SDF4: variants seen among roughly 807,000 people sequenced by gnomAD.
SDF4 encodes 45 kDa calcium-binding protein.
SDF4 carries 22 observed loss-of-function variants against 34.2 expected under a neutral mutation model. The ratio of observed to expected loss-of-function variants is 0.64; its 90% CI spans 0.46 to 0.92. SDF4 has a LOEUF of 0.92. SDF4 is among the 40% of genes least tolerant of loss of function. The pLI, the probability that SDF4 is intolerant of heterozygous loss-of-function variation, is 0.00. For missense variants in SDF4, 447 were observed against 499.9 expected (o/e 0.89, Z 1.01); for synonymous variants, 236 against 203.1 (o/e 1.16, Z -1.38).
At chr1:1,226,811 A>C (rs1638324459) in intron 2 of SDF4, among the ~76,000 whole-genome samples, 1 of 151,678 alleles carries the variant, frequency 6.6e-6, no homozygotes. Flanking sequence ...AGAAGCCTCA[A>C]CTCCCCTCGC....
intron 2 of SDF4, among the ~76,000 whole-genome samples, chr1:1,224,669 G>A (rs1316528958): frequency 6.6e-6 from 1 of 152,214 alleles, no homozygotes; most frequent in Non-Finnish European, 1.5e-5. Flanking sequence ...CCAGCCCTTT[G>A]GGAGGCTAAG....
chr1:1,223,991 G>T (rs1035883257), intron 2 of SDF4, 23 bp from the exon 3 acceptor site: 2 of 1,607,312 alleles, frequency 1.2e-6, no homozygotes, highest in Non-Finnish European at 1.7e-6. Flanking sequence ...AAATGGGCAG[G>T]TGGCCGTCAG....
chr1:1,217,988 G>A lies in SDF4; in HGVS notation c.892-300C>T, dbSNP rs1426331430. Among the ~76,000 whole-genome samples, 3 of 152,264 alleles carry A rather than the reference G, an allele frequency of 2.0e-5. No homozygotes were observed. Among genetic ancestry groups the A allele is most frequent in the African/African-American group, 4.8e-5 (2 of 41,572 alleles). On this transcript the variant is annotated intron_variant, in intron 6 of 6. Coordinates refer to ENST00000360001, the MANE Select transcript of SDF4 (RefSeq NM_016176.6). The surrounding 1 kb of genome is among the most constrained non-coding windows in gnomAD (Gnocchi z 8.5). Reference sequence around the variant, plus strand: ...CCACTGGCTGTCGCCAGGAATCACAGGATTCTACATAAAAACAAGATGACT... The same window carrying A: ...CCACTGGCTGTCGCCAGGAATCACAAGATTCTACATAAAAACAAGATGACT...
At chr1:1,223,523 G>A (rs536432849) in intron 3 of SDF4, among the ~76,000 whole-genome samples, 166 bp from the exon 4 acceptor site, 1 of 152,360 alleles carries the variant, frequency 6.6e-6, no homozygotes, top group South Asian at 2.1e-4. Flanking sequence ...TCACCTGTGA[G>A]GCCAGCCGGC....
rs1369429554 is a variant in SDF4, at chr1:1,217,515, A to G, written c.1065T>C (p.Phe355=). Reference sequence around the variant, plus strand: ...GGCGCGGGGCGCGGCCGGGCGCTCAAAACTCCTCGTGCACGCTGCGCGCGT... The same window carrying G: ...GGCGCGGGGCGCGGCCGGGCGCTCAGAACTCCTCGTGCACGCTGCGCGCGT... The part of the protein sequence containing the change: ...VDYARSVHEE[F] The change falls in exon 7 of 7, where the codon TTT becomes TTC. Residue 355 remains phenylalanine, a synonymous_variant. Coordinates refer to ENST00000360001, the MANE Select transcript of SDF4 (RefSeq NM_016176.6). The surrounding 1 kb of genome is among the most constrained non-coding windows in gnomAD (Gnocchi z 8.5). 4.4e-6 allele frequency: 7 copies of G among 1,590,470 alleles called. No homozygotes were observed. In the Admixed American group the frequency reaches 1.0e-4, roughly 24 times the overall value.
intron 3 of SDF4, 146 bp downstream of exon 3, chr1:1,223,686 C>T (rs1570482915): frequency 2.5e-6 from 2 of 789,050 alleles, no homozygotes; most frequent in Middle Eastern, 3.7e-4. Flanking sequence ...CTTCCGTGCA[C>T]CCCACCACAC....
rs796110294 is a variant in SDF4, at chr1:1,217,401, G to A, written c.*111C>T. ...CTGGGGCAGCCGCGGTCGGTCGGCC[G>A]GTGGCGGGCGGCAGGGAAGAGGTGG... On this transcript the variant is annotated 3_prime_UTR_variant, in exon 7 of 7. Coordinates refer to ENST00000360001, the MANE Select transcript of SDF4 (RefSeq NM_016176.6). This position sits in a 1 kb window ranked among gnomAD's most constrained non-coding sequence, Gnocchi z 8.5. The A allele has an allele frequency of 2.5e-5, 24 of 973,212 alleles. No individual in the cohort carries two copies. In the African/African-American group the frequency reaches 3.0e-4, roughly 12 times the overall value. 60.3% of individuals were successfully genotyped at this position (973,212 alleles called of 1,614,324 possible).
intron 4 of SDF4, among the ~76,000 whole-genome samples, chr1:1,222,896 C>G (rs958016456): frequency 6.6e-6 from 1 of 152,266 alleles, no homozygotes; most frequent in Non-Finnish European, 1.5e-5. Context: ...CATGTACTCA[C>G]GAGCCTACAT....
chr1:1,220,864 G>A (rs1448061866), intron 4 of SDF4: 8 of 842,042 alleles, frequency 9.5e-6, no homozygotes, highest in Non-Finnish European at 1.2e-5. Flanking sequence ...GAAGCTTAAA[G>A]ACGCAGTCAG....
intron 1 of SDF4, among the ~76,000 whole-genome samples, chr1:1,231,269 C>T (rs564028973): frequency 5.2e-4 from 79 of 152,370 alleles, no homozygotes; most frequent in Admixed American, 1.2e-3. Context: ...CCCCTAGCAG[C>T]TCAGTTCCCA....
At chr1:1,224,440 T>G (rs947283039) in intron 2 of SDF4, among the ~76,000 whole-genome samples, 1 of 152,110 alleles carries the variant, frequency 6.6e-6, no homozygotes, top group Non-Finnish European at 1.5e-5. Context: ...CCACCACGCC[T>G]GGCTAATTTT....
chr1:1,220,369 C>G, intron 4 of SDF4: 1 of 1,139,032 alleles, frequency 8.8e-7, no homozygotes, highest in Non-Finnish European at 1.1e-6. Context: ...AGAATCAGGT[C>G]TGAGGCGCGA....
chr1:1,219,505 C>T (rs567799536), intron 4 of SDF4: 50 of 993,938 alleles, frequency 5.0e-5, no homozygotes, highest in Admixed American at 3.3e-4. Context: ...TGCCCTTTTC[C>T]GTTTCCTTCA....
At chr1:1,222,874 C>T (rs966312761) in intron 4 of SDF4, among the ~76,000 whole-genome samples, 31 of 152,240 alleles carry the variant, frequency 2.0e-4, no homozygotes, top group African/African-American at 5.1e-4. Context: ...GGTGTGAGGG[C>T]GCACTCACCT....
intron 4 of SDF4, chr1:1,219,133 C>T: frequency 1.4e-6 from 2 of 1,476,836 alleles, no homozygotes; most frequent in South Asian, 2.6e-5. Flanking sequence ...CCAGAGCCTC[C>T]CACAGGCCTG....
At chr1:1,229,481 G>A (rs965021799) in intron 1 of SDF4, among the ~76,000 whole-genome samples, 1 of 152,210 alleles carries the variant, frequency 6.6e-6, no homozygotes, top group Non-Finnish European at 1.5e-5. Flanking sequence ...CAACGTGCTG[G>A]GATTACAGGC....
At chr1:1,221,139 A>G in intron 4 of SDF4, 1 of 252,458 alleles carries the variant, frequency 4.0e-6, no homozygotes, top group South Asian at 4.6e-5. Flanking sequence ...GACAGGACCA[A>G]ACTCCAGATA....
At chr1:1,223,220 G>A (rs1180266891) in intron 4 of SDF4, 24 bp downstream of exon 4, 3 of 1,527,996 alleles carry the variant, frequency 2.0e-6, no homozygotes. Flanking sequence ...GAGACCGGTG[G>A]CGGGAGCCTG....
Position 1,228,461 on chromosome 1 carries a change from C to A in SDF4, c.305+7G>T. On this transcript the variant is annotated splice_region_variant and intron_variant, in intron 2 of 6. Transcript: ENST00000360001. ...GCCCCCCAGTCTGGGCACATGGCGG[C>A]ACCTACTTGGAAAAGATGACCATCA... is the stretch of plus-strand genomic sequence containing the variant. The A allele has an allele frequency of 6.3e-7, 1 of 1,595,026 alleles. No homozygotes were observed. Among genetic ancestry groups the A allele is most frequent in the Non-Finnish European group, 8.6e-7 (1 of 1,169,120 alleles).
Sources: gnomAD v4.1 joint callset for allele counts (sites outside exome capture counted in the v4.1 genomes callset) on GRCh38, gnomAD v4.1.1 for gene constraint, Gnocchi (gnomAD v3.1) non-coding constraint, MANE v1.5 for transcripts, NCBI Gene and HGNC (gene_info 2026-07-23, HGNC 2026-07-21) for gene names.